CDK17: variants seen among roughly 807,000 people sequenced by gnomAD.
CDK17 encodes the protein cyclin dependent kinase 17.
A neutral mutation model predicts 77.6 loss-of-function variants in CDK17; 24 were observed. The ratio of observed to expected loss-of-function variants is 0.31; its 90% CI spans 0.22 to 0.44. CDK17 has a LOEUF of 0.44. CDK17 is among the 20% of genes least tolerant of loss of function. The pLI is 1.00. For synonymous variants in CDK17, 203 were observed against 210.4 expected (o/e 0.96, Z 0.30); for missense variants, 429 against 622.5 (o/e 0.69, Z 3.31).
At chr12:96,297,070 A>G (rs796868738) in intron 9 of CDK17, among the ~76,000 whole-genome samples, 200 bp downstream of exon 9, 76 of 152,300 alleles carry the variant, frequency 5.0e-4, no homozygotes, top group African/African-American at 1.8e-3. Flanking sequence ...TGGTTCTACA[A>G]AAAGGTCTGA....
intron 1 of CDK17, among the ~76,000 whole-genome samples, chr12:96,390,633 T>C (rs550048433): frequency 2.1e-4 from 28 of 136,206 alleles, no homozygotes; most frequent in Admixed American, 2.0e-3. Context: ...CGCCTGAACC[T>C]GGGAGGTGGA....
In CDK17 at chr12:96,400,051, C is replaced by T; in HGVS notation, c.-95G>A. 2.6e-6 allele frequency: 1 copy of T among 387,552 alleles called. No individual in the cohort carries two copies. The highest frequency in any genetic ancestry group is 4.5e-5 in the Admixed American group (1 of 22,354). 24.0% of individuals were successfully genotyped at this position (387,552 alleles called of 1,614,324 possible). ...AGAGGCGCGGGGGGAAGCTGCTCCG[C>T]GGACGCCCGCGGCGACCGGATGCAA... On this transcript the variant is annotated 5_prime_UTR_variant, in exon 1 of 17. Transcript: ENST00000261211.
chr12:96,373,351 G>A lies in CDK17; in HGVS notation c.-30+26635C>T, dbSNP rs1196189184. Among the ~76,000 whole-genome samples the A allele has an allele frequency of 2.6e-5, 4 of 152,254 alleles. No individual in the cohort carries two copies. In the South Asian group the frequency reaches 6.2e-4, roughly 24 times the overall value. ...AAAGTGCCTGTAATCCCAGCACTTT[G>A]GGAGGCCTAGGCAGGCGGATAACCT... On this transcript the variant is annotated intron_variant, in intron 1 of 16. Transcript: ENST00000261211.
rs924412295 is a variant in CDK17, at chr12:96,294,837, T to G, written c.997+162A>C. Among the ~76,000 whole-genome samples the G allele has an allele frequency of 2.0e-5, 3 of 152,146 alleles. No homozygotes were observed. In the East Asian group the frequency reaches 5.8e-4, roughly 29 times the overall value. On this transcript the variant is annotated intron_variant, in intron 10 of 16. Coordinates refer to ENST00000261211, the MANE Select transcript of CDK17 (RefSeq NM_002595.5). ...TAGAATTTGCTGCTAATAACCAACA[T>G]AAATCACCAACCAAAGTTCTGTCAA...
At chr12:96,342,595 G>A (rs1355336868) in intron 1 of CDK17, among the ~76,000 whole-genome samples, 1 of 151,996 alleles carries the variant, frequency 6.6e-6, no homozygotes, top group Non-Finnish European at 1.5e-5. Context: ...ACCATGAAGT[G>A]ATTGTACAAA....
At chr12:96,333,146 TG>T (rs556296502) in intron 2 of CDK17, among the ~76,000 whole-genome samples, 7,898 of 148,734 alleles carry the variant, frequency 0.053, 268 homozygotes, top group Non-Finnish European at 0.065. Flanking sequence ...AAAAATTCAA[TG>T]GGGGGGGGTC....
At chr12:96,353,958 A>G (rs1159726340) in intron 1 of CDK17, among the ~76,000 whole-genome samples, 1 of 152,192 alleles carries the variant, frequency 6.6e-6, no homozygotes, top group Non-Finnish European at 1.5e-5. Context: ...GCACTTATAT[A>G]AAACCAACTG....
chr12:96,340,657 A>G (rs1172949681), intron 1 of CDK17, among the ~76,000 whole-genome samples: 1 of 152,184 alleles, frequency 6.6e-6, no homozygotes, highest in Non-Finnish European at 1.5e-5. Flanking sequence ...TGCTAAACTA[A>G]AAACACCTTT....
chr12:96,287,269 ACAAGGC>A (rs1565803724), intron 11 of CDK17, among the ~76,000 whole-genome samples: 1 of 152,160 alleles, frequency 6.6e-6, no homozygotes, highest in Non-Finnish European at 1.5e-5. Context: ...ACATGTTGGT[ACAAGGC>A]GGTGTGTGTA....
intron 4 of CDK17, among the ~76,000 whole-genome samples, chr12:96,312,040 C>T (rs2137106012): frequency 6.6e-6 from 1 of 152,184 alleles, no homozygotes; most frequent in Admixed American, 6.5e-5. Flanking sequence ...AAATATACTA[C>T]AGGTCAGGCG....
chr12:96,330,046 A>C (rs1952945838), intron 2 of CDK17, among the ~76,000 whole-genome samples: 1 of 152,228 alleles, frequency 6.6e-6, no homozygotes, highest in Admixed American at 6.5e-5. Flanking sequence ...TCAGTTGGTC[A>C]AGAAGTCTCA....
At chr12:96,364,918 T>TA (rs907944915) in intron 1 of CDK17, among the ~76,000 whole-genome samples, 13 of 152,108 alleles carry the variant, frequency 8.5e-5, no homozygotes, top group African/African-American at 3.1e-4. Context: ...TCAAGGTATA[T>TA]AAAAAAGGTG....
At chr12:96,292,679 G>A (rs1297016865) in intron 10 of CDK17, among the ~76,000 whole-genome samples, 3 of 151,958 alleles carry the variant, frequency 2.0e-5, no homozygotes, top group Non-Finnish European at 4.4e-5. Flanking sequence ...AAACTGCATG[G>A]GTTTTTAAAA....
intron 1 of CDK17, among the ~76,000 whole-genome samples, chr12:96,357,246 G>A (rs903474757): frequency 6.8e-6 from 1 of 147,842 alleles, no homozygotes; most frequent in African/African-American, 2.5e-5. Context: ...AGCATCTCGA[G>A]GCCAGGAGTT....
chr12:96,382,833 G>T (rs968737217), intron 1 of CDK17, among the ~76,000 whole-genome samples: 2 of 151,946 alleles, frequency 1.3e-5, no homozygotes, highest in Non-Finnish European at 2.9e-5. Context: ...GGCAAAAGTT[G>T]CAACAATTCC....
At chr12:96,338,018 T>C (rs577117827) in intron 1 of CDK17, among the ~76,000 whole-genome samples, 5 of 152,218 alleles carry the variant, frequency 3.3e-5, no homozygotes, top group African/African-American at 7.2e-5. Flanking sequence ...ATATGAATTA[T>C]GGTTAATGCT....
chr12:96,284,865 T>C (rs1043425717), intron 13 of CDK17, among the ~76,000 whole-genome samples: 1 of 152,152 alleles, frequency 6.6e-6, no homozygotes, highest in Admixed American at 6.5e-5. Context: ...GTGCCCGGCC[T>C]GGGATTATCT....
At chr12:96,367,164 G>A (rs1016799172) in intron 1 of CDK17, among the ~76,000 whole-genome samples, 8 of 151,548 alleles carry the variant, frequency 5.3e-5, no homozygotes, top group African/African-American at 1.9e-4. Context: ...CCAATATGGT[G>A]AAACCTCGTC....
chr12:96,367,344 C>CAAAAAA (rs56689330), intron 1 of CDK17, among the ~76,000 whole-genome samples: 1 of 63,510 alleles, frequency 1.6e-5, no homozygotes, highest in East Asian at 4.9e-4. Flanking sequence ...GACTCCACCT[C>CAAAAAA]AAAAAAAAAA....
Sources: allele counts gnomAD v4.1 joint callset (sites outside exome capture counted in the v4.1 genomes callset), GRCh38; gene constraint gnomAD v4.1.1; transcripts MANE v1.5; gene names NCBI Gene and HGNC (gene_info 2026-07-23, HGNC 2026-07-21).